PRKG1: variants seen among roughly 807,000 people sequenced by gnomAD.
PRKG1 encodes protein kinase cGMP-dependent 1.
PRKG1 carries 35 observed loss-of-function variants against 88.1 expected under a neutral mutation model. The ratio of observed to expected loss-of-function variants is 0.40; its 90% CI spans 0.30 to 0.53. The LOEUF (loss-of-function observed/expected upper bound fraction) is 0.53, where lower values mean the gene tolerates loss of function less well. PRKG1 is among the 20% of genes least tolerant of loss of function. The pLI is 0.59. For synonymous variants in PRKG1, 303 were observed against 292.5 expected, an observed-to-expected ratio of 1.04 and a Z score of -0.37; for missense variants, 540 against 839.8, an observed-to-expected ratio of 0.64 and a Z score of 4.41.
chr10:51,709,352 A>G (rs1841686400), intron 3 of PRKG1, among the ~76,000 whole-genome samples: 1 of 152,218 alleles, frequency 6.6e-6, no homozygotes, highest in Non-Finnish European at 1.5e-5. Flanking sequence ...TGACAAAATC[A>G]TAGCAACAAT....
chr10:52,250,814 C>T (rs951421781), intron 9 of PRKG1, among the ~76,000 whole-genome samples: 2 of 152,056 alleles, frequency 1.3e-5, no homozygotes, highest in South Asian at 2.1e-4. Context: ...CACTTGCATG[C>T]GTCAGGTTTG....
At chr10:51,845,280 A>G (rs1175567739) in intron 4 of PRKG1, among the ~76,000 whole-genome samples, 1 of 151,898 alleles carries the variant, frequency 6.6e-6, no homozygotes, top group African/African-American at 2.4e-5. Context: ...ATCTTTCCAG[A>G]TGTTATCCTC....
At chr10:51,939,502 C>T (rs944600736) in intron 5 of PRKG1, among the ~76,000 whole-genome samples, 4 of 151,966 alleles carry the variant, frequency 2.6e-5, no homozygotes, top group African/African-American at 9.7e-5. Context: ...CATTGCTTTG[C>T]TTCTTTATAC....
chr10:51,504,497 A>G (rs1490168966), intron 3 of PRKG1, among the ~76,000 whole-genome samples: 2 of 152,050 alleles, frequency 1.3e-5, no homozygotes, highest in Admixed American at 6.6e-5. Flanking sequence ...GTTTTTTCCA[A>G]TTCTGTGAAG....
intron 3 of PRKG1, among the ~76,000 whole-genome samples, chr10:51,687,216 G>A (rs1184277599): frequency 6.6e-6 from 1 of 152,188 alleles, no homozygotes; most frequent in Admixed American, 6.5e-5. Flanking sequence ...TCTTAATTAT[G>A]ATTAGGTTCA....
At chr10:51,664,400 C>T (rs561475495) in intron 3 of PRKG1, among the ~76,000 whole-genome samples, 1 of 152,232 alleles carries the variant, frequency 6.6e-6, no homozygotes, top group Admixed American at 6.6e-5. Context: ...CTGTGTTCTT[C>T]CACAGGAATC....
At chr10:51,273,616 G>T (rs79746427) in intron 2 of PRKG1, among the ~76,000 whole-genome samples, 1 of 152,324 alleles carries the variant, frequency 6.6e-6, no homozygotes, top group Non-Finnish European at 1.5e-5. Flanking sequence ...GGCCAGCTCA[G>T]TCAAATGTAA....
chr10:51,851,516 G>T (rs950393422), intron 4 of PRKG1, among the ~76,000 whole-genome samples: 2 of 152,134 alleles, frequency 1.3e-5, no homozygotes, highest in African/African-American at 2.4e-5. Flanking sequence ...GGGCAATAAG[G>T]CCTATGGAGG....
intron 3 of PRKG1, among the ~76,000 whole-genome samples, chr10:51,514,377 G>T (rs555619405): frequency 1.3e-5 from 2 of 152,206 alleles, no homozygotes; most frequent in South Asian, 4.1e-4. Context: ...TACCCTTTGT[G>T]TGAATGACCT....
At chr10:52,244,371 C>T (rs994458148) in intron 9 of PRKG1, among the ~76,000 whole-genome samples, 66 of 151,856 alleles carry the variant, frequency 4.3e-4, no homozygotes, top group African/African-American at 1.3e-3. Context: ...ATCAATAAGA[C>T]TCTTTGTATA....
At chr10:51,958,023 C>A (rs1013409032) in intron 5 of PRKG1, among the ~76,000 whole-genome samples, 1 of 151,848 alleles carries the variant, frequency 6.6e-6, no homozygotes, top group African/African-American at 2.4e-5. Context: ...TAATTTTTAC[C>A]TTAGATTTTT....
At chr10:51,224,980 T>G (rs1272775894) in intron 2 of PRKG1, among the ~76,000 whole-genome samples, 1 of 152,148 alleles carries the variant, frequency 6.6e-6, no homozygotes, top group Non-Finnish European at 1.5e-5. Context: ...GCATATAAAT[T>G]TAGTGTTGGT....
intron 2 of PRKG1, among the ~76,000 whole-genome samples, chr10:51,223,914 T>C (rs1013310910): frequency 2.0e-5 from 3 of 152,212 alleles, no homozygotes; most frequent in Non-Finnish European, 4.4e-5. Flanking sequence ...TTACTTTGAA[T>C]ACATTGCTGA....
chr10:51,943,297 T>A (rs566559235), intron 5 of PRKG1, among the ~76,000 whole-genome samples: 129 of 152,060 alleles, frequency 8.5e-4, no homozygotes, highest in Middle Eastern at 6.8e-3. Context: ...TTTTGTACAT[T>A]GATTTTGTAT....
intron 2 of PRKG1, among the ~76,000 whole-genome samples, chr10:51,452,514 C>G (rs1253734768): frequency 4.0e-5 from 6 of 151,738 alleles, no homozygotes; most frequent in African/African-American, 1.2e-4. Flanking sequence ...AATGGCAGTT[C>G]TGTCAAATGC....
At chr10:51,339,014 CACATGTA>C (rs1236210983) in intron 2 of PRKG1, among the ~76,000 whole-genome samples, 2 of 152,142 alleles carry the variant, frequency 1.3e-5, no homozygotes, top group Non-Finnish European at 1.5e-5. Context: ...ATTTCACTGT[CACATGTA>C]AGTATTCATT....
At chr10:51,984,671 C>CTACA (rs1169700297) in intron 5 of PRKG1, among the ~76,000 whole-genome samples, 2 of 151,950 alleles carry the variant, frequency 1.3e-5, no homozygotes, top group Non-Finnish European at 2.9e-5. Flanking sequence ...CTGGAATGTG[C>CTACA]TACAATGTAA....
intron 2 of PRKG1, among the ~76,000 whole-genome samples, chr10:51,348,062 C>CA (rs776480907): frequency 1.7e-4 from 26 of 150,992 alleles, no homozygotes; most frequent in African/African-American, 2.4e-4. Context: ...GACTCCATCT[C>CA]AAAAAAAACA....
At chr10:51,176,584 T>C (rs1453991829) in intron 2 of PRKG1, among the ~76,000 whole-genome samples, 1 of 152,116 alleles carries the variant, frequency 6.6e-6, no homozygotes, top group Non-Finnish European at 1.5e-5. Context: ...TTGTGAAAAG[T>C]TCAAAGATGG....
Sources: allele counts gnomAD v4.1 joint callset (sites outside exome capture counted in the v4.1 genomes callset), GRCh38; gene constraint gnomAD v4.1.1; transcripts MANE v1.5; gene names NCBI Gene and HGNC (gene_info 2026-07-23, HGNC 2026-07-21).